PTPRD: variants seen among roughly 807,000 people sequenced by gnomAD.
PTPRD encodes the protein protein tyrosine phosphatase receptor type D.
PTPRD carries 34 observed loss-of-function variants against 214.5 expected under a neutral mutation model. The ratio of observed to expected loss-of-function variants is 0.16; its 90% CI spans 0.12 to 0.21. The LOEUF (loss-of-function observed/expected upper bound fraction) is 0.21, where lower values mean the gene tolerates loss of function less well. PTPRD is among the 10% of genes least tolerant of loss of function. PTPRD has a pLI of 1.00. For synonymous variants in PTPRD, 1,128 were observed against 845.7 expected, an observed-to-expected ratio of 1.33 and a Z score of -5.79; for missense variants, 2,545 against 2,398.7, an observed-to-expected ratio of 1.06 and a Z score of -1.27.
intron 4 of PTPRD, among the ~76,000 whole-genome samples, chr9:9,971,531 G>C (rs1026088237): frequency 1.2e-4 from 18 of 152,156 alleles, no homozygotes; most frequent in African/African-American, 4.1e-4. Flanking sequence ...CAACTCTGAG[G>C]AATTCAGGCT....
chr9:9,522,525 C>G (rs1394015912), intron 8 of PTPRD, among the ~76,000 whole-genome samples: 1 of 151,876 alleles, frequency 6.6e-6, no homozygotes, highest in Non-Finnish European at 1.5e-5. Context: ...AATTACCTTT[C>G]AATAATAATA....
intron 3 of PTPRD, among the ~76,000 whole-genome samples, chr9:10,190,601 C>G (rs2099359484): frequency 6.7e-6 from 1 of 150,356 alleles, no homozygotes; most frequent in Non-Finnish European, 1.5e-5. Flanking sequence ...GCCTGTAATT[C>G]CAACTGCTCG....
intron 12 of PTPRD, among the ~76,000 whole-genome samples, chr9:8,714,333 T>C (rs1004581530): frequency 1.3e-5 from 2 of 152,146 alleles, no homozygotes; most frequent in Non-Finnish European, 2.9e-5. Flanking sequence ...TTTTGTTTTG[T>C]TTTATATCAC....
chr9:9,203,997 G>A (rs2099943362), intron 9 of PTPRD, among the ~76,000 whole-genome samples: 1 of 152,096 alleles, frequency 6.6e-6, no homozygotes, highest in Non-Finnish European at 1.5e-5. Flanking sequence ...TCTGATTTGG[G>A]GATCAGATTA....
chr9:9,082,543 T>C (rs2099760802), intron 10 of PTPRD, among the ~76,000 whole-genome samples: 1 of 152,150 alleles, frequency 6.6e-6, no homozygotes, highest in Non-Finnish European at 1.5e-5. Flanking sequence ...TATTGGAAGT[T>C]CCGGCCAGGG....
intron 8 of PTPRD, among the ~76,000 whole-genome samples, chr9:9,412,145 T>C (rs1036994069): frequency 6.6e-6 from 1 of 152,220 alleles, no homozygotes; most frequent in African/African-American, 2.4e-5. Flanking sequence ...TTTTTTTCTT[T>C]TCTTTTCTTT....
chr9:9,360,878 G>A (rs995682796), intron 9 of PTPRD, among the ~76,000 whole-genome samples: 1 of 151,024 alleles, frequency 6.6e-6, no homozygotes, highest in African/African-American at 2.4e-5. Context: ...TTCACTTGGT[G>A]ACAGGGAAAT....
chr9:8,961,992 G>A (rs921096598), intron 11 of PTPRD: 4 of 152,044 alleles, frequency 2.6e-5, no homozygotes, highest in Non-Finnish European at 5.9e-5. Context: ...CAGTCAATGC[G>A]ATGTCATTTC....
intron 4 of PTPRD, among the ~76,000 whole-genome samples, chr9:9,948,164 G>C (rs148570460): frequency 6.6e-6 from 1 of 151,852 alleles, no homozygotes; most frequent in Non-Finnish European, 1.5e-5. Context: ...CATCATTCAG[G>C]GCCCTATTCA....
intron 33 of PTPRD, among the ~76,000 whole-genome samples, chr9:8,459,725 G>A (rs1422911738): frequency 6.6e-6 from 1 of 152,022 alleles, no homozygotes; most frequent in Admixed American, 6.6e-5. Context: ...TGTAGTCAAA[G>A]ACACTACTCA....
chr9:9,852,519 AC>A (rs530001883), intron 5 of PTPRD, among the ~76,000 whole-genome samples: 1 of 152,118 alleles, frequency 6.6e-6, no homozygotes, highest in Non-Finnish European at 1.5e-5. Context: ...AAAGTGAGAA[AC>A]CTGCTATAGT....
At chr9:9,391,208 T>C (rs922087508) in intron 9 of PTPRD, among the ~76,000 whole-genome samples, 4 of 152,146 alleles carry the variant, frequency 2.6e-5, no homozygotes, top group African/African-American at 7.2e-5. Flanking sequence ...AAATTGAAAG[T>C]GAGTCAACAT....
chr9:10,288,816 T>C (rs1316667776), intron 3 of PTPRD, among the ~76,000 whole-genome samples: 1 of 138,874 alleles, frequency 7.2e-6, no homozygotes, highest in Non-Finnish European at 1.5e-5. Context: ...AAACTTTTTT[T>C]CTGCTTTTTG....
chr9:9,427,181 T>C (rs1314518277), intron 8 of PTPRD, among the ~76,000 whole-genome samples: 5 of 152,116 alleles, frequency 3.3e-5, no homozygotes, highest in African/African-American at 7.2e-5. Context: ...ATTAGACGAA[T>C]GGCTGACTAG....
intron 11 of PTPRD, among the ~76,000 whole-genome samples, chr9:8,759,385 G>A (rs61353274): frequency 0.048 from 7,264 of 151,946 alleles, 435 homozygotes; most frequent in African/African-American, 0.14. Flanking sequence ...GATCTCTATT[G>A]TGTCTTGGAG....
At chr9:10,565,627 T>A (rs2065360070) in intron 2 of PTPRD, among the ~76,000 whole-genome samples, 2 of 152,102 alleles carry the variant, frequency 1.3e-5, no homozygotes, top group South Asian at 4.1e-4. Flanking sequence ...GGATAATGTA[T>A]AACAACATCA....
chr9:9,027,158 C>T (rs2099590150), intron 10 of PTPRD, among the ~76,000 whole-genome samples: 1 of 151,736 alleles, frequency 6.6e-6, no homozygotes, highest in East Asian at 1.9e-4. Flanking sequence ...TTGTCCAGCT[C>T]ATTTACTACC....
rs548796085 is a variant in PTPRD, at chr9:8,959,429, A to G, written c.-104+59268T>C. On this transcript the variant is annotated intron_variant, in intron 11 of 45. Transcript: ENST00000381196. ...AATACATGTAAGTCCTGGACAAAAA[A>G]TGGAGTGTAATATTTTGGAGAATTT... Among the ~76,000 whole-genome samples, 4 of 152,090 alleles carry G rather than the reference A, an allele frequency of 2.6e-5. No homozygotes were observed. The South Asian group carries it at 8.3e-4, about 32-fold the overall frequency.
chr9:10,502,885 A>G (rs180886153), intron 2 of PTPRD, among the ~76,000 whole-genome samples: 20 of 152,198 alleles, frequency 1.3e-4, no homozygotes, highest in African/African-American at 4.8e-4. Context: ...CTTCTCTAAA[A>G]CATTCTAACA....
Sources: gnomAD v4.1 joint callset for allele counts (sites outside exome capture counted in the v4.1 genomes callset) on GRCh38, gnomAD v4.1.1 for gene constraint, MANE v1.5 for transcripts, NCBI Gene and HGNC (gene_info 2026-07-23, HGNC 2026-07-21) for gene names.